ATOSA: variants seen among roughly 807,000 people sequenced by gnomAD.
ATOSA encodes the protein atos homolog protein A.
the ATOSA span, among the ~76,000 whole-genome samples, chr15:52,637,060 T>A: frequency 1.8e-4 from 28 of 152,240 alleles, no homozygotes; most frequent in East Asian, 5.0e-3. Flanking sequence ...AAGGGAAACT[T>A]AAGAGGAAGA....
At chr15:52,638,451 T>C in the ATOSA span, among the ~76,000 whole-genome samples, 90 of 152,032 alleles carry the variant, frequency 5.9e-4, 1 homozygote, top group Non-Finnish European at 7.5e-4. Flanking sequence ...TCCCAGCACT[T>C]TGGGAGGCTG....
chr15:52,593,297 G>T, the ATOSA span: 1 of 321,844 alleles, frequency 3.1e-6, no homozygotes, highest in Non-Finnish European at 5.8e-6. Context: ...GAATGTGTGT[G>T]AACTCAGCAA....
At chr15:52,611,559 A>G in the ATOSA span, 112 of 1,611,058 alleles carry the variant, frequency 7.0e-5, no homozygotes, top group Non-Finnish European at 7.8e-5. Flanking sequence ...ACTTTGAACT[A>G]CGTTCAACAA....
the ATOSA span, among the ~76,000 whole-genome samples, chr15:52,680,220 G>C: frequency 2.0e-5 from 3 of 151,930 alleles, no homozygotes; most frequent in Admixed American, 6.6e-5. Flanking sequence ...ACAAACAGAT[G>C]ACAGGAATCT....
the ATOSA span, among the ~76,000 whole-genome samples, chr15:52,679,536 G>T: frequency 1.3e-5 from 2 of 152,208 alleles, no homozygotes; most frequent in South Asian, 2.1e-4. Flanking sequence ...CGGTGCAGGT[G>T]CCCGGCGGGT....
the ATOSA span, among the ~76,000 whole-genome samples, chr15:52,672,089 C>A: frequency 9.9e-5 from 14 of 141,390 alleles, no homozygotes; most frequent in East Asian, 2.8e-3. Flanking sequence ...GTAATCCCAG[C>A]ACTTTGAGAG....
At chr15:52,672,172 C>CAAAAAAAAAAAAAAAAAAAAAA in the ATOSA span, among the ~76,000 whole-genome samples, 9 of 62,588 alleles carry the variant, frequency 1.4e-4, no homozygotes, top group African/African-American at 6.2e-4. Context: ...CCCCATTTCT[C>CAAAAAAAAAAAAAAAAAAAAAA]AAAAAAAAAA....
At chr15:52,651,697 C>T in the ATOSA span, among the ~76,000 whole-genome samples, 1 of 152,036 alleles carries the variant, frequency 6.6e-6, no homozygotes, top group South Asian at 2.1e-4. Context: ...AGAAAACAGG[C>T]TATATGAAGC....
the ATOSA span, chr15:52,600,317 C>CTCAAG: frequency 1.2e-6 from 1 of 812,610 alleles, no homozygotes; most frequent in Non-Finnish European, 2.0e-6. Context: ...CTCACTCTGT[C>CTCAAG]ACCCAGGCGG....
the ATOSA span, among the ~76,000 whole-genome samples, chr15:52,689,886 C>A: frequency 2.5e-4 from 38 of 152,338 alleles, 1 homozygote; most frequent in African/African-American, 8.9e-4. Context: ...GAACAACAGA[C>A]AGTTCTGAAA....
chr15:52,634,046 G>A, the ATOSA span, among the ~76,000 whole-genome samples: 1 of 151,866 alleles, frequency 6.6e-6, no homozygotes, highest in Admixed American at 6.6e-5. Context: ...GTAACTAGTA[G>A]TAAAAAACAA....
chr15:52,605,439 T>C, the ATOSA span, among the ~76,000 whole-genome samples: 1 of 152,162 alleles, frequency 6.6e-6, no homozygotes, highest in Non-Finnish European at 1.5e-5. Context: ...GGATTTTTTT[T>C]CTGATTTTGG....
At chr15:52,701,161 T>G in the ATOSA span, among the ~76,000 whole-genome samples, 6 of 151,960 alleles carry the variant, frequency 3.9e-5, no homozygotes, top group Non-Finnish European at 8.8e-5. Flanking sequence ...ACAAATGAAA[T>G]AGAATAGAAA....
At chr15:52,627,302 C>T in the ATOSA span, among the ~76,000 whole-genome samples, 1 of 152,156 alleles carries the variant, frequency 6.6e-6, no homozygotes, top group East Asian at 1.9e-4. Flanking sequence ...AATCTGCCAA[C>T]TTCTAATCGT....
chr15:52,669,452 G>C, the ATOSA span, among the ~76,000 whole-genome samples: 1 of 152,134 alleles, frequency 6.6e-6, no homozygotes, highest in Non-Finnish European at 1.5e-5. Flanking sequence ...ATAAATTTAA[G>C]TAGAAATGGC....
At chr15:52,626,891 T>C in the ATOSA span, among the ~76,000 whole-genome samples, 54 of 152,296 alleles carry the variant, frequency 3.5e-4, no homozygotes, top group Non-Finnish European at 6.6e-4. Context: ...GCCTATTCTG[T>C]AACAGTTATT....
chr15:52,673,560 T>C, the ATOSA span, among the ~76,000 whole-genome samples: 3 of 152,238 alleles, frequency 2.0e-5, no homozygotes, highest in South Asian at 6.2e-4. Flanking sequence ...GTGAAGTACT[T>C]AAGACAGTGC....
chr15:52,637,069 G>A, the ATOSA span, among the ~76,000 whole-genome samples: 1 of 152,174 alleles, frequency 6.6e-6, no homozygotes, highest in African/African-American at 2.4e-5. Flanking sequence ...TTAAGAGGAA[G>A]AATAAATTTG....
chr15:52,691,332 T>C, the ATOSA span, among the ~76,000 whole-genome samples: 1 of 152,214 alleles, frequency 6.6e-6, no homozygotes, highest in African/African-American at 2.4e-5. Flanking sequence ...AATTCTCTTC[T>C]TGTCTTCAAC....
Sources: gnomAD v4.1 joint callset for allele counts (sites outside exome capture counted in the v4.1 genomes callset) on GRCh38, gnomAD v4.1.1 for gene constraint, MANE v1.5 for transcripts, NCBI Gene and HGNC (gene_info 2026-07-23, HGNC 2026-07-21) for gene names.